The following NRCAM variants were observed in gnomAD, a reference collection of about 807,000 sequenced individuals.
The protein encoded by NRCAM is neuronal cell adhesion molecule.
In NRCAM, 83 loss-of-function variants were observed where a neutral mutation model predicts 156.5. The observed-to-expected ratio is 0.53, with a 90% CI of 0.44 to 0.64. The LOEUF is 0.64. Among genes scored for constraint, NRCAM ranks in the 30% least tolerant of loss-of-function variants. The pLI is 0.00. For synonymous variants in NRCAM, 538 were observed against 563.9 expected (o/e 0.95, Z 0.65); for missense variants, 1,417 against 1,597.3 (o/e 0.89, Z 1.92).
Position 108,402,936 on chromosome 7 carries a change from T to C in NRCAM, c.-331-3343A>G, listed in dbSNP as rs142507961. On this transcript the variant is annotated intron_variant, in intron 1 of 32. Coordinates refer to ENST00000379028, the MANE Select transcript of NRCAM (RefSeq NM_001037132.4). ...GGAGAACCTACTAAATATGCAGAGA[T>C]AGCAGAAAGACCATACGAGAGAGCA... Among the ~76,000 whole-genome samples, 352 of 151,424 alleles carry C rather than the reference T, an allele frequency of 2.3e-3. 2 individuals are homozygous for C. Among genetic ancestry groups the C allele is most frequent in the African/African-American group, 8.0e-3 (333 of 41,530 alleles).
chr7:108,152,238 T>C (rs886625823), intron 32 of NRCAM, among the ~76,000 whole-genome samples: 3 of 152,080 alleles, frequency 2.0e-5, no homozygotes, highest in Non-Finnish European at 2.9e-5. Flanking sequence ...TAATAAGATG[T>C]CCAGGAAGAC....
At chr7:108,214,028 G>A (rs927737804) in intron 11 of NRCAM, among the ~76,000 whole-genome samples, 3 of 152,190 alleles carry the variant, frequency 2.0e-5, no homozygotes, top group Admixed American at 6.5e-5. Context: ...TTGCATCAAT[G>A]TTCATCAGGG....
intron 2 of NRCAM, among the ~76,000 whole-genome samples, chr7:108,376,068 T>G (rs1375545157): frequency 6.6e-6 from 1 of 152,206 alleles, no homozygotes; most frequent in East Asian, 1.9e-4. Flanking sequence ...GTTTAAGACT[T>G]AGGCCTGGTT....
chr7:108,255,301 G>T (rs1422145888), intron 3 of NRCAM, among the ~76,000 whole-genome samples: 1 of 152,058 alleles, frequency 6.6e-6, no homozygotes, highest in Non-Finnish European at 1.5e-5. Flanking sequence ...CGAGTGCCTG[G>T]GATTGCAGGT....
chr7:108,288,005 G>T (rs139103916), intron 3 of NRCAM, among the ~76,000 whole-genome samples: 6 of 151,902 alleles, frequency 3.9e-5, no homozygotes, highest in Non-Finnish European at 8.8e-5. Flanking sequence ...AAAATGTAGC[G>T]TATATACATG....
intron 1 of NRCAM, among the ~76,000 whole-genome samples, chr7:108,406,072 A>T (rs1272327447): frequency 1.3e-5 from 2 of 151,990 alleles, no homozygotes. Flanking sequence ...CAAAGATAGG[A>T]CTATTCCTGG....
At chr7:108,201,658 A>T (rs1013817640) in intron 13 of NRCAM, among the ~76,000 whole-genome samples, 2 of 152,200 alleles carry the variant, frequency 1.3e-5, no homozygotes, top group African/African-American at 2.4e-5. Context: ...AATTTTCCCC[A>T]AGTGGAGACT....
chr7:108,338,915 C>T (rs542635075), intron 2 of NRCAM, among the ~76,000 whole-genome samples: 2 of 145,712 alleles, frequency 1.4e-5, no homozygotes, highest in African/African-American at 5.1e-5. Flanking sequence ...CCGCAGATGG[C>T]CCAAATGCAT....
intron 20 of NRCAM, among the ~76,000 whole-genome samples, chr7:108,188,088 G>C (rs1353724174): frequency 1.3e-5 from 2 of 152,328 alleles, no homozygotes; most frequent in Admixed American, 1.3e-4. Context: ...ACAGGAAGTG[G>C]GGGAGGGAAG....
intron 30 of NRCAM, among the ~76,000 whole-genome samples, chr7:108,165,790 A>G (rs1016810323): frequency 2.0e-5 from 3 of 152,258 alleles, no homozygotes; most frequent in African/African-American, 4.8e-5. Flanking sequence ...TGACTTTAAA[A>G]ATCATAATGC....
intron 11 of NRCAM, among the ~76,000 whole-genome samples, chr7:108,214,381 C>T (rs557230136): frequency 2.8e-4 from 42 of 152,224 alleles, no homozygotes; most frequent in African/African-American, 9.9e-4. Context: ...AGTTTATTTG[C>T]GTAGAGGTGT....
chr7:108,355,806 A>C (rs924316907), intron 2 of NRCAM, among the ~76,000 whole-genome samples: 41 of 152,364 alleles, frequency 2.7e-4, no homozygotes, highest in African/African-American at 9.9e-4. Flanking sequence ...ATTCTGAGGT[A>C]TGGCCAAAAG....
At chr7:108,455,032 C>T (rs749698710) in intron 1 of NRCAM, among the ~76,000 whole-genome samples, 1 of 152,074 alleles carries the variant, frequency 6.6e-6, no homozygotes, top group African/African-American at 2.4e-5. Flanking sequence ...CGCCAGCGTA[C>T]GGGGGACGAA....
At chr7:108,353,971 A>C (rs1013094397) in intron 2 of NRCAM, among the ~76,000 whole-genome samples, 1 of 152,214 alleles carries the variant, frequency 6.6e-6, no homozygotes, top group Non-Finnish European at 1.5e-5. Flanking sequence ...TTGGTCGTTT[A>C]ATGTTTTAAA....
chr7:108,194,470 A>ATTT, intron 15 of NRCAM, 42 bp from the exon 16 acceptor site: 1 of 1,411,374 alleles, frequency 7.1e-7, no homozygotes, highest in Non-Finnish European at 9.7e-7. Flanking sequence ...AAAACACATT[A>ATTT]TATTTTGAAG....
intron 32 of NRCAM, among the ~76,000 whole-genome samples, chr7:108,152,767 G>A (rs1454150965): frequency 6.6e-6 from 1 of 152,134 alleles, no homozygotes; most frequent in Admixed American, 6.6e-5. Flanking sequence ...TATTTAGTTG[G>A]CCAACCTCTG....
intron 1 of NRCAM, among the ~76,000 whole-genome samples, chr7:108,440,422 C>T (rs1034736142): frequency 3.3e-5 from 5 of 151,752 alleles, no homozygotes; most frequent in African/African-American, 7.3e-5. Context: ...AGGAACTGAT[C>T]CAACAGAAAA....
At chr7:108,179,136 C>A (rs1345476136) in intron 25 of NRCAM, among the ~76,000 whole-genome samples, 2 of 152,158 alleles carry the variant, frequency 1.3e-5, no homozygotes, top group Non-Finnish European at 2.9e-5. Context: ...CTGATGACAG[C>A]CATAAACACT....
chr7:108,193,643 T>C (rs2073435033), intron 17 of NRCAM, among the ~76,000 whole-genome samples: 3 of 152,210 alleles, frequency 2.0e-5, no homozygotes, highest in African/African-American at 7.2e-5. Flanking sequence ...CTGACAAGGA[T>C]TTGAGCAGTC....
Sources: allele counts gnomAD v4.1 joint callset (sites outside exome capture counted in the v4.1 genomes callset), GRCh38; gene constraint gnomAD v4.1.1; transcripts MANE v1.5; gene names NCBI Gene and HGNC (gene_info 2026-07-23, HGNC 2026-07-21).